NAV3: variants seen among roughly 807,000 people sequenced by gnomAD.
NAV3 encodes neuron navigator 3, also known as pore membrane and/or filament interacting like protein 1.
Under a neutral mutation model 244.7 loss-of-function variants are expected in NAV3, and 87 were observed. The observed-to-expected ratio is 0.36, with a 90% CI of 0.30 to 0.42. NAV3 has a LOEUF of 0.42. Ranked by LOEUF, NAV3 falls within the 20% of genes least tolerant of loss-of-function variation. The pLI is 1.00. For synonymous variants in NAV3, 1,126 were observed against 1,042.2 expected (o/e 1.08, Z -1.55); for missense variants, 2,663 against 2,893.3 (o/e 0.92, Z 1.83).
At chr12:78,049,366 G>T (rs1197734286) in intron 9 of NAV3, among the ~76,000 whole-genome samples, 1 of 152,156 alleles carries the variant, frequency 6.6e-6, no homozygotes, top group African/African-American at 2.4e-5. Context: ...CTCCTGGTGT[G>T]CATGTTGTGA....
intron 23 of NAV3, among the ~76,000 whole-genome samples, chr12:78,164,687 T>G (rs910401809): frequency 3.9e-5 from 6 of 152,058 alleles, no homozygotes; most frequent in African/African-American, 1.4e-4. Context: ...ATGGCCAGGT[T>G]ATTTCAGTAG....
At chr12:78,111,943 T>G (rs1201655781) in intron 12 of NAV3, among the ~76,000 whole-genome samples, 1 of 152,224 alleles carries the variant, frequency 6.6e-6, no homozygotes, top group Non-Finnish European at 1.5e-5. Flanking sequence ...TTTCTAAATT[T>G]ATAAATGTAT....
intron 2 of NAV3, among the ~76,000 whole-genome samples, chr12:77,578,679 C>G (rs1869208230): frequency 6.6e-6 from 1 of 152,100 alleles, no homozygotes; most frequent in Admixed American, 6.6e-5. Context: ...CTTGGATATC[C>G]TAAGTGCATA....
At chr12:77,706,619 C>T (rs1481883150) in intron 2 of NAV3, among the ~76,000 whole-genome samples, 1 of 150,982 alleles carries the variant, frequency 6.6e-6, no homozygotes, top group Non-Finnish European at 1.5e-5. Flanking sequence ...TGCCGGTAAT[C>T]CAGCACTTTG....
intron 2 of NAV3, among the ~76,000 whole-genome samples, chr12:77,777,392 A>T (rs1870417713): frequency 6.6e-6 from 1 of 152,140 alleles, no homozygotes; most frequent in African/African-American, 2.4e-5. Flanking sequence ...CATGAGATGA[A>T]GTGAATGGAG....
At chr12:77,957,235 A>G (rs1041403946) in intron 3 of NAV3, among the ~76,000 whole-genome samples, 1 of 152,204 alleles carries the variant, frequency 6.6e-6, no homozygotes, top group Non-Finnish European at 1.5e-5. Context: ...ACAAGCTCAC[A>G]AAGGCAAAGA....
chr12:78,030,575 T>C (rs1878811696), intron 9 of NAV3, among the ~76,000 whole-genome samples: 1 of 152,220 alleles, frequency 6.6e-6, no homozygotes, highest in Admixed American at 6.5e-5. Flanking sequence ...CAGAAGATTG[T>C]TGTGAGGTAT....
At chr12:78,015,181 TG>T (rs143240713) in intron 8 of NAV3, among the ~76,000 whole-genome samples, 70,362 of 151,900 alleles carry the variant, frequency 0.46, 17,065 homozygotes, top group Non-Finnish European at 0.53. Flanking sequence ...GTTATGTTTT[TG>T]GAAACCATTT....
At chr12:77,896,675 G>C (rs1884666919) in intron 1 of NAV3, among the ~76,000 whole-genome samples, 2 of 152,178 alleles carry the variant, frequency 1.3e-5, no homozygotes. Context: ...TTACTTAGCA[G>C]TGAAGGTGGC....
At chr12:77,606,450 A>G (rs1870674788) in intron 2 of NAV3, among the ~76,000 whole-genome samples, 2 of 152,028 alleles carry the variant, frequency 1.3e-5, no homozygotes, top group Admixed American at 1.3e-4. Flanking sequence ...TATCCTTCTT[A>G]GTTAATTATC....
chr12:77,712,664 A>G (rs1876176970), intron 2 of NAV3, among the ~76,000 whole-genome samples: 1 of 152,216 alleles, frequency 6.6e-6, no homozygotes. Flanking sequence ...AACTGCAGTA[A>G]GTCCCCAACT....
intron 28 of NAV3, 64 bp from the exon 29 acceptor site, chr12:78,179,465 G>A (rs1462735685): frequency 1.3e-6 from 2 of 1,593,146 alleles, no homozygotes; most frequent in Admixed American, 1.7e-5. Flanking sequence ...CTTTAAAAGA[G>A]GCAGTGCTTT....
At chr12:78,209,363 A>C (rs913318706) in intron 39 of NAV3, among the ~76,000 whole-genome samples, 10 of 152,092 alleles carry the variant, frequency 6.6e-5, no homozygotes, top group South Asian at 4.1e-4. Context: ...GGAAAAAAAA[A>C]ACTTTTGATT....
At chr12:77,675,279 G>A (rs760006723) in intron 2 of NAV3, among the ~76,000 whole-genome samples, 7 of 152,194 alleles carry the variant, frequency 4.6e-5, no homozygotes, top group Non-Finnish European at 7.3e-5. Flanking sequence ...TTATTGCAAG[G>A]AATTGGCTTA....
intron 2 of NAV3, among the ~76,000 whole-genome samples, chr12:77,773,404 G>A (rs1442042259): frequency 3.9e-5 from 6 of 152,162 alleles, no homozygotes; most frequent in Non-Finnish European, 1.5e-5. Flanking sequence ...ATTTGTGACT[G>A]TTATACATTT....
chr12:77,724,970 G>A lies in NAV3; in HGVS notation c.72+152704G>A, dbSNP rs1428685639. 2.0e-5 allele frequency among the ~76,000 whole-genome samples: 3 copies of A among 152,120 alleles called. No individual in the cohort carries two copies. The East Asian group carries it at 5.8e-4, about 29-fold the overall frequency. On this transcript the variant is annotated intron_variant, in intron 2 of 8. Transcript: ENST00000550042. Reference sequence around the variant, plus strand: ...CTATTGTGGAATGCATAATTCTAGAGTGAGTACATTTTATAATCTTGTCAG... The same window carrying A: ...CTATTGTGGAATGCATAATTCTAGAATGAGTACATTTTATAATCTTGTCAG...
chr12:77,924,125 G>A (rs1391796644), intron 1 of NAV3, among the ~76,000 whole-genome samples: 3 of 152,124 alleles, frequency 2.0e-5, no homozygotes, highest in Non-Finnish European at 4.4e-5. Flanking sequence ...TTTCCTGGGG[G>A]TTGGGTATGG....
chr12:77,916,552 A>G (rs7294878), intron 1 of NAV3, among the ~76,000 whole-genome samples: 39,629 of 151,934 alleles, frequency 0.26, 6,092 homozygotes, highest in South Asian at 0.35. Flanking sequence ...TACATTTTCA[A>G]CAAACTCTAA....
In NAV3 at chr12:77,769,782, G is replaced by A. The variant is rs530654182; in HGVS notation, c.73-170537G>A. Among the ~76,000 whole-genome samples, 8 of 152,302 alleles carry A rather than the reference G, an allele frequency of 5.3e-5. No individual in the cohort carries two copies. The South Asian group carries it at 1.7e-3, about 32-fold the overall frequency. Reference sequence around the variant, plus strand: ...CAGTTACAGTCTTTATTATTAGACAGTACTTGAGCAGATCCTGTATTGATA... The same window carrying A: ...CAGTTACAGTCTTTATTATTAGACAATACTTGAGCAGATCCTGTATTGATA... On this transcript the variant is annotated intron_variant, in intron 2 of 8. Transcript: ENST00000550042.
Sources: gnomAD v4.1 joint callset for allele counts (sites outside exome capture counted in the v4.1 genomes callset) on GRCh38, gnomAD v4.1.1 for gene constraint, MANE v1.5 for transcripts, NCBI Gene and HGNC (gene_info 2026-07-23, HGNC 2026-07-21) for gene names.